Variants in MEIS2 observed in about 807,000 individuals in gnomAD.
The protein encoded by MEIS2 is homeobox protein Meis2.
Under a neutral mutation model 58.6 loss-of-function variants are expected in MEIS2, and 9 were observed. The observed-to-expected ratio is 0.15, with a 90% CI of 0.09 to 0.27. The LOEUF (loss-of-function observed/expected upper bound fraction) is 0.27. MEIS2 is among the 10% of genes least tolerant of loss of function. The pLI is 1.00. For missense variants in MEIS2, 427 were observed against 635.0 expected, an observed-to-expected ratio of 0.67 and a Z score of 3.52; for synonymous variants, 221 against 228.4, an observed-to-expected ratio of 0.97 and a Z score of 0.29.
intron 7 of MEIS2, among the ~76,000 whole-genome samples, chr15:37,037,391 T>C (rs2062201715): frequency 6.6e-6 from 1 of 152,232 alleles, no homozygotes; most frequent in African/African-American, 2.4e-5. Flanking sequence ...GTGTCACTGT[T>C]CGTTGCACAT....
chr15:36,903,484 C>T (rs2056580114), intron 9 of MEIS2, among the ~76,000 whole-genome samples: 1 of 152,212 alleles, frequency 6.6e-6, no homozygotes, highest in African/African-American at 2.4e-5. Flanking sequence ...GAAACTTTTA[C>T]TACTGACATT....
chr15:37,095,831 G>T, intron 3 of MEIS2: 1 of 628,790 alleles, frequency 1.6e-6, no homozygotes, highest in Non-Finnish European at 2.7e-6. Context: ...GTACGACTAA[G>T]CTGTAGCCAG....
intron 8 of MEIS2, among the ~76,000 whole-genome samples, chr15:37,019,044 G>A (rs900212559): frequency 6.6e-6 from 1 of 152,114 alleles, no homozygotes; most frequent in Non-Finnish European, 1.5e-5. Context: ...TTTATGTCAT[G>A]GGGTGAGGGT....
rs1347535731 is a variant in MEIS2 at position 36,889,564 on chromosome 15, T to C, written c.*2609A>G. ...GTGGGTTTGACGAATAAACTAAGCA[T>C]GAGATGACTTTATTCATTAAAACCA... On this transcript the variant is annotated 3_prime_UTR_variant, in exon 12 of 12. Transcript: ENST00000561208. 3.3e-5 allele frequency: 5 copies of C among 152,174 alleles called. No homozygotes were observed. The highest frequency in any genetic ancestry group is 7.3e-5 in the Non-Finnish European group (5 of 68,032). The allele number at this position is 152,174 out of a possible 1,614,324, so 9.4% of individuals were successfully genotyped here.
At chr15:37,068,022 A>G (rs573326840) in intron 7 of MEIS2, among the ~76,000 whole-genome samples, 2 of 152,294 alleles carry the variant, frequency 1.3e-5, no homozygotes, top group East Asian at 3.9e-4. Flanking sequence ...CAGCACATAG[A>G]TCTTCAAATA....
chr15:36,940,760 G>A (rs888400589), intron 9 of MEIS2, among the ~76,000 whole-genome samples: 1 of 152,196 alleles, frequency 6.6e-6, no homozygotes, highest in African/African-American at 2.4e-5. Context: ...TCAGAAGCCA[G>A]TAAGCTGACA....
intron 9 of MEIS2, among the ~76,000 whole-genome samples, chr15:36,936,493 A>G (rs568651191): frequency 1.3e-5 from 2 of 152,312 alleles, no homozygotes; most frequent in African/African-American, 4.8e-5. Context: ...TATAAAGTTG[A>G]TGGTAAACAA....
chr15:36,935,186 CTTT>C (rs71126245), intron 9 of MEIS2, among the ~76,000 whole-genome samples: 10 of 136,622 alleles, frequency 7.3e-5, no homozygotes, highest in East Asian at 2.1e-4. Flanking sequence ...ATTCTTTTTT[CTTT>C]TTTTTTTTTT....
chr15:36,995,085 G>A lies in MEIS2; in HGVS notation c.900+41729C>T, dbSNP rs767408388. Among the ~76,000 whole-genome samples, 30 of 152,164 alleles carry A rather than the reference G, an allele frequency of 2.0e-4. 1 individual carries two copies. The highest frequency in any genetic ancestry group is 3.3e-4 in the Admixed American group (5 of 15,268). On this transcript the variant is annotated intron_variant, in intron 8 of 11. Coordinates refer to ENST00000561208, the MANE Select transcript of MEIS2 (RefSeq NM_170675.5). ...ATATTTTGTCTGCATGAAGCAGATC[G>A]AGTTATTACATGCCAGTGGATCACA...
At chr15:37,020,827 T>C (rs1332746781) in intron 8 of MEIS2, among the ~76,000 whole-genome samples, 3 of 152,192 alleles carry the variant, frequency 2.0e-5, no homozygotes, top group African/African-American at 7.2e-5. Context: ...TTTAAACTTA[T>C]GTTTGTCCTA....
chr15:36,976,871 C>G (rs182934027), intron 8 of MEIS2, among the ~76,000 whole-genome samples: 72 of 152,282 alleles, frequency 4.7e-4, no homozygotes, highest in African/African-American at 1.7e-3. Flanking sequence ...CGCCTGTAAT[C>G]CCAGCACTTT....
intron 8 of MEIS2, among the ~76,000 whole-genome samples, chr15:36,984,540 G>A (rs2060034224): frequency 2.0e-5 from 3 of 152,028 alleles, no homozygotes; most frequent in South Asian, 2.1e-4. Flanking sequence ...AGGCATATTA[G>A]CTTGTAATTT....
At chr15:36,971,450 C>T (rs1465261794) in intron 8 of MEIS2, among the ~76,000 whole-genome samples, 2 of 142,670 alleles carry the variant, frequency 1.4e-5, no homozygotes, top group African/African-American at 2.6e-5. Flanking sequence ...AAGCTGGAAG[C>T]TAAATTTGGC....
intron 9 of MEIS2, among the ~76,000 whole-genome samples, chr15:36,922,288 C>A (rs2057542591): frequency 6.6e-6 from 1 of 152,118 alleles, no homozygotes; most frequent in Non-Finnish European, 1.5e-5. Flanking sequence ...TTGTTCACTT[C>A]ACAGAGCTGA....
At chr15:36,906,479 G>C (rs372538835) in intron 9 of MEIS2, among the ~76,000 whole-genome samples, 10 of 152,120 alleles carry the variant, frequency 6.6e-5, no homozygotes, top group South Asian at 6.2e-4. Context: ...ATATTAAGAG[G>C]ATAAGTCTGA....
chr15:37,008,907 C>T (rs916094171), intron 8 of MEIS2, among the ~76,000 whole-genome samples: 8 of 152,198 alleles, frequency 5.3e-5, no homozygotes, highest in Admixed American at 1.3e-4. Flanking sequence ...AACCAGTAAA[C>T]ATATCTCCCC....
chr15:37,020,084 A>G (rs180952943), intron 8 of MEIS2, among the ~76,000 whole-genome samples: 156 of 152,262 alleles, frequency 1.0e-3, no homozygotes, highest in African/African-American at 3.3e-3. Flanking sequence ...GTCAGAAGGC[A>G]TTGCTTTTTG....
chr15:36,908,751 G>A (rs1365477551), intron 9 of MEIS2, among the ~76,000 whole-genome samples: 3 of 151,848 alleles, frequency 2.0e-5, no homozygotes, highest in Admixed American at 6.6e-5. Flanking sequence ...CCTGACCAAC[G>A]TGGAGAAACC....
intron 9 of MEIS2, among the ~76,000 whole-genome samples, chr15:36,911,287 G>GTGTGTA (rs1218070952): frequency 4.0e-5 from 6 of 151,422 alleles, no homozygotes; most frequent in Admixed American, 6.6e-5. Context: ...GTGTGTGTGT[G>GTGTGTA]TGTATGTATA....
Sources: gnomAD v4.1 joint callset for allele counts (sites outside exome capture counted in the v4.1 genomes callset) on GRCh38, gnomAD v4.1.1 for gene constraint, MANE v1.5 for transcripts, NCBI Gene and HGNC (gene_info 2026-07-23, HGNC 2026-07-21) for gene names.